The following MYO3A variants were observed in gnomAD, a reference collection of about 807,000 sequenced individuals.
MYO3A encodes myosin IIIA, also known as myosin-IIIa.
MYO3A carries 180 observed loss-of-function variants against 192.7 expected under a neutral mutation model. The observed-to-expected ratio is 0.93, with a 90% CI of 0.83 to 1.06. MYO3A has a LOEUF of 1.06. Among genes scored for constraint, MYO3A ranks in the 50% least tolerant of loss-of-function variants. MYO3A has a pLI of 0.00. For missense variants in MYO3A, 1,896 were observed against 1,905.0 expected (o/e 1.00, Z 0.09); for synonymous variants, 628 against 645.3 (o/e 0.97, Z 0.41).
intron 15 of MYO3A, among the ~76,000 whole-genome samples, chr10:26,094,581 C>T (rs866050655): frequency 1.3e-5 from 2 of 152,008 alleles, no homozygotes; most frequent in African/African-American, 4.8e-5. Flanking sequence ...CCTGCCACCA[C>T]GCCTGGCTAA....
chr10:26,139,828 G>A (rs1840052103), intron 20 of MYO3A, among the ~76,000 whole-genome samples: 1 of 152,118 alleles, frequency 6.6e-6, no homozygotes, highest in African/African-American at 2.4e-5. Context: ...GGAGGCAGAG[G>A]TTGCAGGGAG....
chr10:26,158,499 C>A (rs1485215652), intron 26 of MYO3A, among the ~76,000 whole-genome samples: 1 of 152,072 alleles, frequency 6.6e-6, no homozygotes, highest in African/African-American at 2.4e-5. Context: ...TTGTGATCCA[C>A]CCGTCTTGGC....
Position 26,024,032 on chromosome 10 carries a change from C to T in MYO3A, c.742C>T (p.Pro248Ser). ...ALFKIPRNPP[P>S]KLRQPELWSA... ...TTCTTATTTTTCTAGGAATCCACCC[C>T]CAAAACTAAGGCAGCCTGAGCTATG... The change falls in exon 9 of 35, where the codon CCA (proline) becomes TCA (serine). Residue 248 changes from proline to serine, a missense_variant. By Grantham distance (74) the Pro-to-Ser change is moderately conservative. Coordinates refer to ENST00000642920, the MANE Select transcript of MYO3A (RefSeq NM_017433.5). 6.2e-7 allele frequency: 1 copy of T among 1,612,890 alleles called. No individual in the cohort carries two copies. The highest frequency in any genetic ancestry group is 8.5e-7 in the Non-Finnish European group (1 of 1,179,044).
chr10:26,034,427 G>C (rs748777624), intron 10 of MYO3A, among the ~76,000 whole-genome samples: 1 of 152,184 alleles, frequency 6.6e-6, no homozygotes, highest in Non-Finnish European at 1.5e-5. Flanking sequence ...GACCCAGACA[G>C]GAGTATTTTT....
Position 26,157,494 on chromosome 10 carries a change from T to C in MYO3A, c.2978T>C (p.Leu993Pro). ...AGACTAGGATTCTCCCATCGGATAC[T>C]TTTTGCTAACTTTATAAAGCGGTAT... is the stretch of plus-strand genomic sequence containing the variant. Reference protein sequence around the residue: ...IRRLGFSHRILFANFIKRYYL... With the variant: ...IRRLGFSHRIPFANFIKRYYL... Residue 993 changes from leucine to proline, a missense_variant, in exon 26 of 35, where the codon CTT (leucine) becomes CCT (proline). Physicochemically the swap from Leu to Pro is moderately conservative, Grantham distance 98. Coordinates refer to ENST00000642920, the MANE Select transcript of MYO3A (RefSeq NM_017433.5). 4 of 1,614,146 alleles carry C rather than the reference T, an allele frequency of 2.5e-6. No individual in the cohort carries two copies. Among genetic ancestry groups the C allele is most frequent in the Non-Finnish European group, 3.4e-6 (4 of 1,179,974 alleles).
At position 26,068,836 on chromosome 10, in the gene MYO3A, A is replaced by G. The variant is rs1451002620; in HGVS notation, c.1122A>G (p.Ile374Met). Residue 374 changes from isoleucine to methionine, a missense_variant, in exon 12 of 35, where the codon ATA becomes ATG. Transcript: ENST00000642920. Reference sequence around the variant, plus strand: ...AGATCTACGTCTATGTGGGAGACATACTCATTGCTCTTAACCCTTTTCAGA... The same window carrying G: ...AGATCTACGTCTATGTGGGAGACATGCTCATTGCTCTTAACCCTTTTCAGA... Reference protein sequence around the residue: ...RDQIYVYVGDILIALNPFQSL... With the variant: ...RDQIYVYVGDMLIALNPFQSL... 6.2e-7 allele frequency: 1 copy of G among 1,601,500 alleles called. No individual in the cohort carries two copies. Among genetic ancestry groups the G allele is most frequent in the Non-Finnish European group, 8.6e-7 (1 of 1,168,686 alleles).
intron 21 of MYO3A, 75 bp downstream of exon 21, chr10:26,143,676 C>T: frequency 6.4e-7 from 1 of 1,550,580 alleles, no homozygotes; most frequent in Non-Finnish European, 8.9e-7. Flanking sequence ...TTTTAAATGG[C>T]TTTAAATTAT....
At chr10:26,174,625 A>G in intron 30 of MYO3A, 68 bp downstream of exon 30, 1 of 1,311,934 alleles carries the variant, frequency 7.6e-7, no homozygotes, top group Non-Finnish European at 1.1e-6. Context: ...TGAATTAAAC[A>G]CATAATTAAT....
At chr10:26,065,585 C>CAAAAAAAAAAA (rs33982842) in intron 10 of MYO3A, among the ~76,000 whole-genome samples, 1 of 23,244 alleles carries the variant, frequency 4.3e-5, no homozygotes. Context: ...ACTCCATCTC[C>CAAAAAAAAAAA]AAAAAAAAAA....
chr10:26,048,964 T>C (rs1292701623), intron 10 of MYO3A, among the ~76,000 whole-genome samples: 1 of 152,188 alleles, frequency 6.6e-6, no homozygotes, highest in Non-Finnish European at 1.5e-5. Flanking sequence ...GGAGCCACAA[T>C]AGGAGATTAA....
At chr10:26,079,553 G>A (rs543311806) in intron 14 of MYO3A, among the ~76,000 whole-genome samples, 7 of 152,068 alleles carry the variant, frequency 4.6e-5, no homozygotes, top group South Asian at 2.1e-4. Flanking sequence ...TTTGTTGCTC[G>A]TGTACTTTTG....
chr10:26,196,046 G>A (rs1843392348), intron 32 of MYO3A, among the ~76,000 whole-genome samples: 1 of 152,198 alleles, frequency 6.6e-6, no homozygotes, highest in Non-Finnish European at 1.5e-5. Flanking sequence ...GCGTTTGACA[G>A]TCACTTTATA....
rs758958774 is a variant in MYO3A at position 26,173,991 on chromosome 10, A to T, written c.3727A>T (p.Arg1243Trp). 6.2e-7 allele frequency: 1 copy of T among 1,609,320 alleles called. No homozygotes were observed. The highest frequency in any genetic ancestry group is 1.1e-5 in the South Asian group (1 of 89,988). Reference sequence around the variant, plus strand: ...AGCTATGATCCAGAGTTACTATCAGAGGTACACAGAGGAGAGGAATTGTGA... The same window carrying T: ...AGCTATGATCCAGAGTTACTATCAGTGGTACACAGAGGAGAGGAATTGTGA... ...EEAMIQSYYQ[R>W]YTEERNCEES... Residue 1243 changes from arginine to tryptophan, a missense_variant, in exon 30 of 35, where the codon AGG (arginine) becomes TGG (tryptophan). Arg to Trp is a moderately radical substitution (Grantham distance 101). Transcript: ENST00000642920.
At chr10:25,944,328 A>C (rs1272430957) in intron 2 of MYO3A, among the ~76,000 whole-genome samples, 1 of 151,978 alleles carries the variant, frequency 6.6e-6, no homozygotes, top group Non-Finnish European at 1.5e-5. Flanking sequence ...TTTTGCATGA[A>C]TCTTCACAGA....
intron 10 of MYO3A, among the ~76,000 whole-genome samples, chr10:26,055,959 C>G (rs548899399): frequency 6.6e-6 from 1 of 152,190 alleles, no homozygotes; most frequent in Admixed American, 6.5e-5. Context: ...ACAAGGCATA[C>G]TAACAGGCAA....
chr10:26,096,386 A>G lies in MYO3A; in HGVS notation c.1568A>G (p.Glu523Gly), dbSNP rs1837035059. The G allele has an allele frequency of 2.5e-6, 4 of 1,607,072 alleles. No homozygotes were observed. The highest frequency in any genetic ancestry group is 3.4e-6 in the Non-Finnish European group (4 of 1,175,384). The change falls in exon 16 of 35, where the codon GAA becomes GGA. Residue 523 changes from glutamate (E) to glycine (G), a missense_variant. Glu to Gly is a moderately conservative substitution (Grantham distance 98, BLOSUM62 -2). Coordinates refer to ENST00000642920, the MANE Select transcript of MYO3A (RefSeq NM_017433.5). ...GTAAATATCTTTTTTTCCAGTGGAG[A>G]AAAAAATTTTCATATTTTTTACTAC... ...KSRVIHQAIG[E>G]KNFHIFYYIY...
chr10:26,000,380 G>A (rs1840714788), intron 6 of MYO3A, among the ~76,000 whole-genome samples: 1 of 152,130 alleles, frequency 6.6e-6, no homozygotes, highest in Admixed American at 6.6e-5. Flanking sequence ...ACCCCAGTGT[G>A]CCTGAGGCAT....
intron 32 of MYO3A, among the ~76,000 whole-genome samples, chr10:26,193,705 TA>T (rs1436491681): frequency 6.6e-6 from 1 of 152,194 alleles, no homozygotes; most frequent in Non-Finnish European, 1.5e-5. Flanking sequence ...AACAGACGTT[TA>T]TTAAGCATCT....
chr10:26,203,794 G>C (rs768420389), intron 34 of MYO3A, among the ~76,000 whole-genome samples: 68 of 152,056 alleles, frequency 4.5e-4, no homozygotes, highest in Non-Finnish European at 7.8e-4. Context: ...GTGAATCTAG[G>C]GTCCTCAGAA....
Sources: allele counts gnomAD v4.1 joint callset (sites outside exome capture counted in the v4.1 genomes callset), GRCh38; gene constraint gnomAD v4.1.1; transcripts MANE v1.5; gene names NCBI Gene and HGNC (gene_info 2026-07-23, HGNC 2026-07-21).